The following NAALADL2 variants were observed in gnomAD, a reference collection of about 807,000 sequenced individuals.
The protein encoded by NAALADL2 is inactive N-acetylated-alpha-linked acidic dipeptidase-like protein 2.
NAALADL2 carries 76 observed loss-of-function variants against 87.2 expected under a neutral mutation model. The observed-to-expected ratio is 0.87, with a 90% confidence interval of 0.72 to 1.05. The LOEUF (loss-of-function observed/expected upper bound fraction) is 1.05. Among genes scored for constraint, NAALADL2 ranks in the 50% least tolerant of loss-of-function variants. The pLI is 0.00. For synonymous variants in NAALADL2, 354 were observed against 331.0 expected (o/e 1.07, Z -0.75); for missense variants, 1,089 against 945.8 (o/e 1.15, Z -1.99).
intron 13 of NAALADL2, among the ~76,000 whole-genome samples, chr3:175,794,493 G>GT (rs927327879): frequency 4.6e-5 from 7 of 152,056 alleles, no homozygotes; most frequent in African/African-American, 1.4e-4. Context: ...TTAGTAGGAG[G>GT]TTTTTTAATA....
chr3:175,107,346 T>G (rs978520865), intron 2 of NAALADL2, among the ~76,000 whole-genome samples: 9 of 151,968 alleles, frequency 5.9e-5, no homozygotes, highest in African/African-American at 1.9e-4. Context: ...AAGAAGTAAT[T>G]CAACCAGCAG....
intron 9 of NAALADL2, among the ~76,000 whole-genome samples, chr3:175,562,289 T>G (rs796816383): frequency 1.1e-4 from 16 of 152,226 alleles, no homozygotes; most frequent in African/African-American, 3.6e-4. Context: ...TAAAACTGAT[T>G]GAAGGTAATT....
At chr3:175,240,010 A>G (rs1034151456) in intron 3 of NAALADL2, among the ~76,000 whole-genome samples, 1 of 152,238 alleles carries the variant, frequency 6.6e-6, no homozygotes, top group Admixed American at 6.5e-5. Flanking sequence ...CAAGATTTGA[A>G]AGAACAAACT....
At chr3:174,764,202 C>T (rs1713468846) in intron 3 of NAALADL2, among the ~76,000 whole-genome samples, 1 of 152,132 alleles carries the variant, frequency 6.6e-6, no homozygotes, top group Non-Finnish European at 1.5e-5. Context: ...GTAGAATGAC[C>T]CAATGATAAT....
At chr3:174,641,054 G>A (rs1723131532) in intron 2 of NAALADL2, among the ~76,000 whole-genome samples, 1 of 152,196 alleles carries the variant, frequency 6.6e-6, no homozygotes, top group Non-Finnish European at 1.5e-5. Flanking sequence ...TGGGGCCAGA[G>A]CAGGTGACTT....
chr3:174,917,585 A>G (rs966318985), intron 1 of NAALADL2, among the ~76,000 whole-genome samples: 3 of 152,116 alleles, frequency 2.0e-5, no homozygotes. Context: ...TTGGTTAGAG[A>G]CACACTATTA....
intron 9 of NAALADL2, among the ~76,000 whole-genome samples, chr3:175,504,117 G>T (rs992428024): frequency 1.3e-5 from 2 of 152,156 alleles, no homozygotes; most frequent in African/African-American, 4.8e-5. Context: ...TAAATGTAAA[G>T]AATGTTTTAA....
intron 1 of NAALADL2, among the ~76,000 whole-genome samples, chr3:174,953,297 T>TCTTCTCC (rs1740651485): frequency 1.7e-5 from 1 of 59,318 alleles, no homozygotes; most frequent in African/African-American, 7.4e-5. Context: ...CTTTCTTGCC[T>TCTTCTCC]CCCCTCCCCT....
upstream of NAALADL2, chr3:174,859,229 A>G: frequency 1.7e-6 from 1 of 590,344 alleles, no homozygotes; most frequent in African/African-American, 1.9e-5. Flanking sequence ...ATCTCACTTC[A>G]TAGTAAAACA....
intron 13 of NAALADL2, among the ~76,000 whole-genome samples, chr3:175,762,211 T>A (rs1748123824): frequency 6.6e-6 from 1 of 150,748 alleles, no homozygotes; most frequent in Non-Finnish European, 1.5e-5. Flanking sequence ...TTTTTTTGCA[T>A]GTAGATGTCC....
chr3:174,882,390 A>C (rs1729305086), intron 1 of NAALADL2, among the ~76,000 whole-genome samples: 1 of 151,482 alleles, frequency 6.6e-6, no homozygotes, highest in South Asian at 2.1e-4. Flanking sequence ...TCTCTAGAGG[A>C]ACGGAACTAA....
intron 2 of NAALADL2, among the ~76,000 whole-genome samples, chr3:174,650,693 T>A (rs530379594): frequency 5.3e-5 from 8 of 152,098 alleles, no homozygotes; most frequent in Non-Finnish European, 1.2e-4. Context: ...AGCTCAGTTA[T>A]TTTTAGAGGA....
intron 1 of NAALADL2, among the ~76,000 whole-genome samples, chr3:174,987,647 A>T (rs868527763): frequency 3.5e-5 from 5 of 144,604 alleles, no homozygotes; most frequent in African/African-American, 1.3e-4. Flanking sequence ...TTGAAGTTAT[A>T]GACAGGGTGT....
chr3:175,242,445 A>T (rs1747092167), intron 3 of NAALADL2: 1 of 152,178 alleles, frequency 6.6e-6, no homozygotes, highest in Non-Finnish European at 1.5e-5. Flanking sequence ...GGAAAAGTTG[A>T]TTCTTAGGTT....
rs564994332 is a variant in NAALADL2 at position 175,024,589 on chromosome 3, G to A, written c.44-72201G>A. On this transcript the variant is annotated intron_variant, in intron 1 of 13. Transcript: ENST00000454872. ...AACTAAATGGCACATATGTAAAAAT[G>A]TTCACTATTCTTAGAATATTATTGT... Among the ~76,000 whole-genome samples, 37 of 152,090 alleles carry A rather than the reference G, an allele frequency of 2.4e-4. No individual in the cohort carries two copies. The South Asian group carries it at 6.9e-3, about 28-fold the overall frequency.
chr3:175,142,693 C>T (rs1361232217), intron 2 of NAALADL2, among the ~76,000 whole-genome samples: 3 of 151,856 alleles, frequency 2.0e-5, no homozygotes, highest in African/African-American at 4.8e-5. Flanking sequence ...AGTTCTGTCT[C>T]ATTCAGTATT....
intron 1 of NAALADL2, among the ~76,000 whole-genome samples, chr3:174,966,347 G>A (rs1400869852): frequency 6.6e-6 from 1 of 152,102 alleles, no homozygotes; most frequent in Non-Finnish European, 1.5e-5. Flanking sequence ...CACATGATCT[G>A]TTTTGTATTT....
intron 11 of NAALADL2, among the ~76,000 whole-genome samples, chr3:175,695,393 A>C (rs1208284302): frequency 2.0e-5 from 3 of 151,680 alleles, no homozygotes; most frequent in African/African-American, 7.3e-5. Flanking sequence ...TACTCCTTCC[A>C]TCAGAATATT....
chr3:175,114,527 A>C (rs182220084), intron 2 of NAALADL2, among the ~76,000 whole-genome samples: 31 of 151,796 alleles, frequency 2.0e-4, no homozygotes, highest in Admixed American at 1.1e-3. Context: ...TAAACATATA[A>C]GTGTTTTACT....
Sources: gnomAD v4.1 joint callset for allele counts (sites outside exome capture counted in the v4.1 genomes callset) on GRCh38, gnomAD v4.1.1 for gene constraint, MANE v1.5 for transcripts, NCBI Gene and HGNC (gene_info 2026-07-23, HGNC 2026-07-21) for gene names.